Variants in UGT1A8 observed in about 807,000 individuals in gnomAD.
The protein encoded by UGT1A8 is UDP-glucuronosyltransferase 1A8.
A neutral mutation model predicts 45.3 loss-of-function variants in UGT1A8; 39 were observed. That is an observed-to-expected ratio of 0.86 (90% confidence interval 0.67 to 1.12). The LOEUF (loss-of-function observed/expected upper bound fraction) is 1.12. UGT1A8 is among the 50% of genes most tolerant of loss of function. UGT1A8 has a pLI of 0.00. For missense variants in UGT1A8, 719 were observed against 664.9 expected (o/e 1.08, Z -0.90); for synonymous variants, 275 against 249.2 (o/e 1.10, Z -0.97).
At chr2:233,652,982 C>T (rs1327184427) in intron 1 of UGT1A8, among the ~76,000 whole-genome samples, 1 of 152,134 alleles carries the variant, frequency 6.6e-6, no homozygotes, top group Non-Finnish European at 1.5e-5. Flanking sequence ...AAATAAAACA[C>T]TTTTGTGTGT....
chr2:233,627,891 CACCAAA>C (rs1208800728), intron 1 of UGT1A8, among the ~76,000 whole-genome samples: 1 of 151,940 alleles, frequency 6.6e-6, no homozygotes, highest in East Asian at 1.9e-4. Flanking sequence ...TACAATATTG[CACCAAA>C]CATGATGAAA....
chr2:233,630,778 T>C (rs2073172350), intron 1 of UGT1A8, among the ~76,000 whole-genome samples: 1 of 151,820 alleles, frequency 6.6e-6, no homozygotes, highest in Admixed American at 6.6e-5. Flanking sequence ...TCAGGTTTGT[T>C]ACATAGGTAA....
At chr2:233,700,854 T>C (rs1009974165) in intron 1 of UGT1A8, among the ~76,000 whole-genome samples, 11 of 152,244 alleles carry the variant, frequency 7.2e-5, no homozygotes, top group African/African-American at 2.2e-4. Context: ...GTATATCTCC[T>C]AATGCTATCC....
intron 1 of UGT1A8, among the ~76,000 whole-genome samples, chr2:233,631,462 A>G (rs1273647063): frequency 1.3e-5 from 2 of 152,180 alleles, no homozygotes; most frequent in Non-Finnish European, 2.9e-5. Flanking sequence ...CCAACAGCAT[A>G]AAAGCGTTCC....
chr2:233,728,280 T>C (rs2077695615), intron 1 of UGT1A8, among the ~76,000 whole-genome samples: 1 of 152,156 alleles, frequency 6.6e-6, no homozygotes, highest in Non-Finnish European at 1.5e-5. Flanking sequence ...GCCTTCGGCA[T>C]TCAGAAGAGG....
At chr2:233,738,274 T>G (rs890858116) in intron 1 of UGT1A8, among the ~76,000 whole-genome samples, 8 of 152,200 alleles carry the variant, frequency 5.3e-5, no homozygotes, top group Non-Finnish European at 1.2e-4. Flanking sequence ...GCTCTTTCCT[T>G]TATAAATTAC....
intron 1 of UGT1A8, among the ~76,000 whole-genome samples, chr2:233,703,248 G>A (rs1279387068): frequency 2.0e-5 from 3 of 152,122 alleles, no homozygotes; most frequent in Non-Finnish European, 2.9e-5. Context: ...GGCCCAGAGT[G>A]TTCCCTTATA....
rs531044910 is a variant in UGT1A8, at chr2:233,751,112, A to G, written c.856-15922A>G. 2.6e-5 allele frequency among the ~76,000 whole-genome samples: 4 copies of G among 152,082 alleles called. No homozygotes were observed. The South Asian group carries it at 8.3e-4, about 32-fold the overall frequency. On this transcript the variant is annotated intron_variant, in intron 1 of 4. Transcript: ENST00000373450. ...GGAGGAGGGCTTTGCCCTGCAAGCCACAGTGTCCAAGTTGCCTGAGACTGT... is the reference window on the plus strand; with the variant it reads ...GGAGGAGGGCTTTGCCCTGCAAGCCGCAGTGTCCAAGTTGCCTGAGACTGT...
At chr2:233,724,233 G>T (rs1323099966) in intron 1 of UGT1A8, among the ~76,000 whole-genome samples, 1 of 126,056 alleles carries the variant, frequency 7.9e-6, no homozygotes, top group Non-Finnish European at 1.7e-5. Flanking sequence ...CAGTAGGGGC[G>T]GCCGGGCAGA....
chr2:233,740,407 A>T (rs1691384076), intron 1 of UGT1A8, among the ~76,000 whole-genome samples: 1 of 151,962 alleles, frequency 6.6e-6, no homozygotes, highest in South Asian at 2.1e-4. Context: ...AAAATGGGGA[A>T]GTCTCTCTAC....
At chr2:233,734,025 G>A (rs2078469594) in intron 1 of UGT1A8, among the ~76,000 whole-genome samples, 1 of 152,102 alleles carries the variant, frequency 6.6e-6, no homozygotes, top group East Asian at 1.9e-4. Context: ...GTTAATGGGT[G>A]CAGCACACCA....
At chr2:233,738,451 G>A (rs1425081316) in intron 1 of UGT1A8, among the ~76,000 whole-genome samples, 1 of 152,222 alleles carries the variant, frequency 6.6e-6, no homozygotes, top group Non-Finnish European at 1.5e-5. Context: ...AAGACAGGAA[G>A]ATGTGGGAAA....
chr2:233,747,917 C>T, intron 1 of UGT1A8: 6 of 1,613,510 alleles, frequency 3.7e-6, no homozygotes, highest in Non-Finnish European at 5.1e-6. Flanking sequence ...CAAGCCTTGC[C>T]TCTGAGCTTT....
intron 1 of UGT1A8, chr2:233,755,022 A>C: frequency 7.7e-7 from 1 of 1,305,146 alleles, no homozygotes; most frequent in South Asian, 1.2e-5. Flanking sequence ...GGGGTCCTTG[A>C]AGGGCCTGCC....
chr2:233,733,519 G>C (rs951555502), intron 1 of UGT1A8, among the ~76,000 whole-genome samples: 3 of 152,168 alleles, frequency 2.0e-5, no homozygotes, highest in Non-Finnish European at 2.9e-5. Context: ...AGGCATGAAG[G>C]GATGTTTAAT....
At chr2:233,705,266 T>G (rs778471512) in intron 1 of UGT1A8, among the ~76,000 whole-genome samples, 1 of 152,250 alleles carries the variant, frequency 6.6e-6, no homozygotes, top group African/African-American at 2.4e-5. Flanking sequence ...ATGGGGTCAC[T>G]TGCTTTCAAC....
chr2:233,688,665 G>C (rs1236438770), intron 1 of UGT1A8, among the ~76,000 whole-genome samples: 1 of 152,120 alleles, frequency 6.6e-6, no homozygotes, highest in Non-Finnish European at 1.5e-5. Flanking sequence ...CATGCAGCTG[G>C]CTCTTTTTTA....
chr2:233,634,521 CTCT>C (rs2073243875), intron 1 of UGT1A8, among the ~76,000 whole-genome samples: 2 of 152,134 alleles, frequency 1.3e-5, no homozygotes, highest in South Asian at 2.1e-4. Context: ...GGATGGTTAG[CTCT>C]TCTTGTTACA....
rs1400150849 is a variant in UGT1A8, at chr2:233,618,652, A to G, written c.855+90A>G. Reference sequence around the variant, plus strand: ...TACTGAATTGTGATTTGACATTTTCATTTGTTGCATTTCAAATTTCTTTCC... The same window carrying G: ...TACTGAATTGTGATTTGACATTTTCGTTTGTTGCATTTCAAATTTCTTTCC... On this transcript the variant is annotated intron_variant, in intron 1 of 4. Transcript: ENST00000373450. The G allele has an allele frequency of 2.6e-6, 4 of 1,515,958 alleles. No homozygotes were observed. The East Asian group carries it at 6.8e-5, about 26-fold the overall frequency. The allele number at this position is 1,515,958 out of a possible 1,614,324, so 93.9% of individuals were successfully genotyped here. A position where few individuals can be genotyped will look rare whatever the true frequency, so the allele number is the denominator to read the frequency against.
Sources: gnomAD v4.1 joint callset for allele counts (sites outside exome capture counted in the v4.1 genomes callset) on GRCh38, gnomAD v4.1.1 for gene constraint, MANE v1.5 for transcripts, NCBI Gene and HGNC (gene_info 2026-07-23, HGNC 2026-07-21) for gene names.